The following RBFOX1 variants were observed in gnomAD, a reference collection of about 807,000 sequenced individuals.
The protein encoded by RBFOX1 is RNA binding fox-1 homolog 1.
Under a neutral mutation model 57.7 loss-of-function variants are expected in RBFOX1, and 8 were observed. The ratio of observed to expected loss-of-function variants is 0.14; its 90% confidence interval spans 0.08 to 0.25. The LOEUF is 0.25. Ranked by LOEUF, RBFOX1 falls within the 10% of genes least tolerant of loss-of-function variation. The probability of loss-of-function intolerance (pLI) is 1.00; values close to 1 mark genes in which losing one functional copy is unlikely to be tolerated. For synonymous variants in RBFOX1, 326 were observed against 222.4 expected (o/e 1.47, Z -4.15); for missense variants, 611 against 548.5 (o/e 1.11, Z -1.14).
chr16:7,622,811 A>G (rs537465938), intron 10 of RBFOX1, among the ~76,000 whole-genome samples: 3 of 152,168 alleles, frequency 2.0e-5, no homozygotes, highest in Non-Finnish European at 1.5e-5. Flanking sequence ...TCTGTGCCCA[A>G]ATGGAAATAT....
At chr16:5,626,900 G>C (rs563946847) in intron 3 of RBFOX1, among the ~76,000 whole-genome samples, 1 of 151,748 alleles carries the variant, frequency 6.6e-6, no homozygotes, top group Non-Finnish European at 1.5e-5. Flanking sequence ...TCTCATTTCT[G>C]TTCTCCCCTT....
rs1479361395 is a variant in RBFOX1, at chr16:6,450,834, T to A, written c.-64+133777T>A. 5.5e-4 allele frequency among the ~76,000 whole-genome samples: 18 copies of A among 32,868 alleles called. 2 individuals carry two copies. Among genetic ancestry groups the A allele is most frequent in the African/African-American group, 2.3e-3 (16 of 7,010 alleles). 21.6% of individuals were successfully genotyped at this position (32,868 alleles called of 152,430 possible). On this transcript the variant is annotated intron_variant, in intron 2 of 15. Transcript: ENST00000550418. The stretch of plus-strand genomic sequence containing the variant: ...ATATATATACATATATATATATATA[T>A]ATGTGTATATATATATATATATATA...
chr16:5,811,104 G>C (rs1019520206), intron 3 of RBFOX1, among the ~76,000 whole-genome samples: 6 of 142,086 alleles, frequency 4.2e-5, no homozygotes, highest in Non-Finnish European at 7.6e-5. Flanking sequence ...TTGGTTTGCA[G>C]TTTTTAGAAT....
intron 1 of RBFOX1, among the ~76,000 whole-genome samples, chr16:5,431,681 A>T (rs577440052): frequency 2.0e-5 from 3 of 151,950 alleles, no homozygotes; most frequent in Non-Finnish European, 4.4e-5. Context: ...CCGCTGGTTT[A>T]TTTTTTATTA....
chr16:7,170,012 T>A (rs1372364505), intron 4 of RBFOX1, among the ~76,000 whole-genome samples: 1 of 152,128 alleles, frequency 6.6e-6, no homozygotes, highest in Non-Finnish European at 1.5e-5. Flanking sequence ...AGGCAGAGGT[T>A]GCAGTGAACC....
At chr16:7,166,715 C>T (rs1323680931) in intron 4 of RBFOX1, among the ~76,000 whole-genome samples, 1 of 152,060 alleles carries the variant, frequency 6.6e-6, no homozygotes, top group Non-Finnish European at 1.5e-5. Flanking sequence ...TAGGATGACT[C>T]TAACCGGCAT....
chr16:7,636,827 GAC>G (rs1189610679), intron 11 of RBFOX1, among the ~76,000 whole-genome samples: 1 of 137,580 alleles, frequency 7.3e-6, no homozygotes, highest in Admixed American at 7.4e-5. Context: ...ACAAGAGAGA[GAC>G]AGAGACAGAG....
intron 1 of RBFOX1, among the ~76,000 whole-genome samples, chr16:6,146,286 C>A (rs997355538): frequency 5.9e-5 from 9 of 152,174 alleles, no homozygotes; most frequent in African/African-American, 2.2e-4. Flanking sequence ...TTTTAAAATA[C>A]ACTGAAGAAA....
At chr16:6,114,018 C>G (rs903853122) in intron 1 of RBFOX1, among the ~76,000 whole-genome samples, 1 of 147,542 alleles carries the variant, frequency 6.8e-6, no homozygotes, top group Non-Finnish European at 1.5e-5. Flanking sequence ...ACTATTCAAA[C>G]TACTGCCACC....
intron 4 of RBFOX1, among the ~76,000 whole-genome samples, chr16:7,330,958 G>C (rs915093736): frequency 6.6e-6 from 1 of 152,084 alleles, no homozygotes. Flanking sequence ...AAACAGTATC[G>C]GGCTGTTGAG....
chr16:7,542,045 G>T (rs1354517065), intron 5 of RBFOX1, among the ~76,000 whole-genome samples: 1 of 152,194 alleles, frequency 6.6e-6, no homozygotes, highest in African/African-American at 2.4e-5. Flanking sequence ...AGAAGTGTGG[G>T]TACTGGCAGC....
chr16:5,871,536 C>G (rs138857138), intron 4 of RBFOX1, among the ~76,000 whole-genome samples: 192 of 152,292 alleles, frequency 1.3e-3, no homozygotes, highest in Non-Finnish European at 2.0e-3. Context: ...ACATTTCCCC[C>G]CTATTTATCG....
intron 3 of RBFOX1, among the ~76,000 whole-genome samples, chr16:6,732,431 C>A (rs2154174888): frequency 6.6e-6 from 1 of 152,288 alleles, no homozygotes; most frequent in African/African-American, 2.4e-5. Context: ...TGCACTGCAC[C>A]TGCACTGGGG....
intron 3 of RBFOX1, among the ~76,000 whole-genome samples, chr16:6,666,957 T>C (rs1654684418): frequency 6.6e-6 from 1 of 152,288 alleles, no homozygotes; most frequent in South Asian, 2.1e-4. Context: ...CTGACAGTTA[T>C]TTTTGTAGGC....
At chr16:6,948,434 T>C (rs2080014777) in intron 3 of RBFOX1, among the ~76,000 whole-genome samples, 1 of 133,246 alleles carries the variant, frequency 7.5e-6, no homozygotes, top group East Asian at 2.5e-4. Flanking sequence ...TTGCCCAGGC[T>C]GGAGTGCAGT....
chr16:6,610,116 A>G (rs1373786206), intron 2 of RBFOX1, among the ~76,000 whole-genome samples: 1 of 152,170 alleles, frequency 6.6e-6, no homozygotes, highest in African/African-American at 2.4e-5. Context: ...GGTAGATGAC[A>G]TTCAAAGTGT....
intron 3 of RBFOX1, among the ~76,000 whole-genome samples, chr16:5,722,681 A>G (rs1386965753): frequency 6.6e-6 from 1 of 152,068 alleles, no homozygotes; most frequent in African/African-American, 2.4e-5. Flanking sequence ...TTGGTTGAGG[A>G]CTTTCTCAAA....
At chr16:7,673,465 G>A (rs1272365719) in intron 13 of RBFOX1, among the ~76,000 whole-genome samples, 1 of 152,162 alleles carries the variant, frequency 6.6e-6, no homozygotes, top group Non-Finnish European at 1.5e-5. Context: ...CCAGCACTTT[G>A]GGAGGCTGAA....
chr16:5,755,670 C>G (rs2053367151), intron 3 of RBFOX1, among the ~76,000 whole-genome samples: 1 of 152,212 alleles, frequency 6.6e-6, no homozygotes, highest in African/African-American at 2.4e-5. Context: ...GCAATTTTGG[C>G]TCACTGCAGC....
Sources: allele counts gnomAD v4.1 joint callset (sites outside exome capture counted in the v4.1 genomes callset), GRCh38; gene constraint gnomAD v4.1.1; transcripts MANE v1.5; gene names NCBI Gene and HGNC (gene_info 2026-07-23, HGNC 2026-07-21).